Variants in MB21D2 observed in about 807,000 individuals in gnomAD.
MB21D2 encodes nucleotidyltransferase MB21D2.
In MB21D2, 9 loss-of-function variants were observed where a neutral mutation model predicts 33.3. The observed-to-expected ratio is 0.27, with a 90% CI of 0.16 to 0.47. The LOEUF (loss-of-function observed/expected upper bound fraction) is 0.47, where lower values mean the gene tolerates loss of function less well. Among genes scored for constraint, MB21D2 ranks in the 20% least tolerant of loss-of-function variants. MB21D2 has a pLI of 0.99. For missense variants in MB21D2, 540 were observed against 624.6 expected (o/e 0.86, Z 1.44); for synonymous variants, 241 against 236.3 (o/e 1.02, Z -0.18).
intron 1 of MB21D2, among the ~76,000 whole-genome samples, chr3:192,805,867 A>C (rs962660572): frequency 6.6e-6 from 1 of 152,254 alleles, no homozygotes; most frequent in Non-Finnish European, 1.5e-5. Context: ...TACCACACAT[A>C]AACTGGAAGA....
At chr3:192,910,150 T>C (rs1714316427) in intron 1 of MB21D2, among the ~76,000 whole-genome samples, 1 of 150,936 alleles carries the variant, frequency 6.6e-6, no homozygotes, top group South Asian at 2.1e-4. Flanking sequence ...AATGTGAGAA[T>C]TCATTACTCC....
At chr3:192,881,711 TTCTGGAGAAAC>T (rs1713600383) in intron 1 of MB21D2, among the ~76,000 whole-genome samples, 1 of 152,098 alleles carries the variant, frequency 6.6e-6, no homozygotes, top group Admixed American at 6.5e-5. Context: ...AAAGGAAGGC[TTCTGGAGAAAC>T]CTGGCGGCAC....
In MB21D2 at chr3:192,814,633, T is replaced by A. The variant is rs6766909; in HGVS notation, c.212-14983A>T. Among the ~76,000 whole-genome samples the A allele has an allele frequency of 6.9e-3, 1,054 of 151,970 alleles. 9 individuals are homozygous for A. The highest frequency in any genetic ancestry group is 0.02 in the Middle Eastern group (6 of 294). On this transcript the variant is annotated intron_variant, in intron 1 of 1. Coordinates refer to ENST00000392452, the MANE Select transcript of MB21D2 (RefSeq NM_178496.4). Reference sequence around the variant, plus strand: ...ATCCCAGCACTTTGGGAGGCCAAGGTGGGCAGATCACGAGGTCAGGAGATC... The same window carrying A: ...ATCCCAGCACTTTGGGAGGCCAAGGAGGGCAGATCACGAGGTCAGGAGATC...
chr3:192,859,266 T>C (rs1273354282), intron 1 of MB21D2, among the ~76,000 whole-genome samples: 2 of 152,188 alleles, frequency 1.3e-5, no homozygotes, highest in East Asian at 3.9e-4. Flanking sequence ...GGAAAAATGC[T>C]AGACGGCACT....
chr3:192,914,641 A>T (rs1714423388), intron 1 of MB21D2, among the ~76,000 whole-genome samples: 1 of 151,754 alleles, frequency 6.6e-6, no homozygotes, highest in African/African-American at 2.4e-5. Context: ...AACACCAATC[A>T]TTCTCCTAAA....
At chr3:192,894,889 A>C (rs1713932028) in intron 1 of MB21D2, among the ~76,000 whole-genome samples, 1 of 152,218 alleles carries the variant, frequency 6.6e-6, no homozygotes, top group South Asian at 2.1e-4. Context: ...CAAAAAGATA[A>C]GACTGATAAG....
intron 1 of MB21D2, among the ~76,000 whole-genome samples, chr3:192,882,091 A>G (rs1713608679): frequency 6.6e-6 from 1 of 151,930 alleles, no homozygotes; most frequent in South Asian, 2.1e-4. Context: ...ATGTATGTCT[A>G]ATGCCTAACC....
intron 1 of MB21D2, among the ~76,000 whole-genome samples, chr3:192,891,570 C>T (rs1469346485): frequency 1.3e-5 from 2 of 152,084 alleles, no homozygotes; most frequent in Non-Finnish European, 1.5e-5. Context: ...CCCTTGCAGG[C>T]TTAGTGTGAT....
intron 1 of MB21D2, among the ~76,000 whole-genome samples, chr3:192,907,715 G>A (rs1474351494): frequency 2.0e-5 from 3 of 152,260 alleles, no homozygotes; most frequent in Middle Eastern, 3.4e-3. Context: ...AGTATTGATC[G>A]CAAATAACAG....
chr3:192,878,296 G>T (rs1312135609), intron 1 of MB21D2, among the ~76,000 whole-genome samples: 1 of 152,086 alleles, frequency 6.6e-6, no homozygotes, highest in African/African-American at 2.4e-5. Flanking sequence ...ATCTACTTAT[G>T]AGTTCTCTTC....
At chr3:192,895,564 A>T (rs1464741174) in intron 1 of MB21D2, among the ~76,000 whole-genome samples, 2 of 152,214 alleles carry the variant, frequency 1.3e-5, no homozygotes, top group African/African-American at 2.4e-5. Flanking sequence ...TGGAATAAGC[A>T]CACTGTTTGG....
At chr3:192,808,595 G>C (rs1488600453) in intron 1 of MB21D2, among the ~76,000 whole-genome samples, 2 of 152,176 alleles carry the variant, frequency 1.3e-5, no homozygotes, top group African/African-American at 4.8e-5. Flanking sequence ...CCCAAGAGAG[G>C]ATCAATCAGA....
intron 1 of MB21D2, among the ~76,000 whole-genome samples, chr3:192,898,224 ATTTT>A (rs34727233): frequency 1.4e-5 from 2 of 142,952 alleles, no homozygotes; most frequent in Non-Finnish European, 3.0e-5. Flanking sequence ...AATCTCACGT[ATTTT>A]TTTTTTTTTT....
chr3:192,873,041 C>CTG (rs1196833517), intron 1 of MB21D2, among the ~76,000 whole-genome samples: 3 of 151,940 alleles, frequency 2.0e-5, no homozygotes, highest in African/African-American at 7.3e-5. Flanking sequence ...ACTCAAAATG[C>CTG]TGTGTCCCCT....
intron 1 of MB21D2, among the ~76,000 whole-genome samples, chr3:192,827,195 A>C (rs6444665): frequency 0.61 from 92,090 of 151,510 alleles, 29,510 homozygotes; most frequent in African/African-American, 0.82. Context: ...TGCGCCCGGC[A>C]CCCTGTCTTT....
intron 1 of MB21D2, among the ~76,000 whole-genome samples, chr3:192,910,974 T>G (rs150090085): frequency 2.0e-5 from 3 of 152,212 alleles, no homozygotes; most frequent in Admixed American, 1.3e-4. Flanking sequence ...ACACATGAAG[T>G]ACATATAATG....
intron 1 of MB21D2, among the ~76,000 whole-genome samples, chr3:192,811,611 A>C (rs1406765018): frequency 6.6e-6 from 1 of 152,164 alleles, no homozygotes; most frequent in Admixed American, 6.5e-5. Flanking sequence ...CTGTGCATTT[A>C]CAGCTAGCAT....
At chr3:192,889,622 T>C (rs1048888461) in intron 1 of MB21D2, among the ~76,000 whole-genome samples, 2 of 151,858 alleles carry the variant, frequency 1.3e-5, no homozygotes, top group Non-Finnish European at 2.9e-5. Context: ...CACAGGAAGA[T>C]TTTTTTTGTT....
At chr3:192,851,961 G>C (rs188682870) in intron 1 of MB21D2, among the ~76,000 whole-genome samples, 1 of 152,276 alleles carries the variant, frequency 6.6e-6, no homozygotes, top group East Asian at 1.9e-4. Flanking sequence ...AAATTTTCTA[G>C]GAAACATCAA....
Sources: gnomAD v4.1 joint callset for allele counts (sites outside exome capture counted in the v4.1 genomes callset) on GRCh38, gnomAD v4.1.1 for gene constraint, MANE v1.5 for transcripts, NCBI Gene and HGNC (gene_info 2026-07-23, HGNC 2026-07-21) for gene names.